The following CHODL variants were observed in gnomAD, a reference collection of about 807,000 sequenced individuals.
CHODL encodes the protein transmembrane protein MT75.
CHODL carries 29 observed loss-of-function variants against 34.5 expected under a neutral mutation model. The ratio of observed to expected loss-of-function variants is 0.84; its 90% CI spans 0.63 to 1.15. CHODL has a LOEUF of 1.15. Among genes scored for constraint, CHODL ranks in the 50% most tolerant of loss-of-function variants. The probability of loss-of-function intolerance (pLI) is 0.00; values close to 1 mark genes in which losing one functional copy is unlikely to be tolerated. For synonymous variants in CHODL, 125 were observed against 116.1 expected, an observed-to-expected ratio of 1.08 and a Z score of -0.49; for missense variants, 332 against 332.5, an observed-to-expected ratio of 1.00 and a Z score of 0.01.
intron 2 of CHODL, among the ~76,000 whole-genome samples, chr21:18,113,325 C>G (rs1450155412): frequency 7.4e-6 from 1 of 134,684 alleles, no homozygotes; most frequent in Non-Finnish European, 1.6e-5. Context: ...ATTAGTACAA[C>G]CACTATGGAG....
chr21:18,037,617 C>A (rs988642572), intron 2 of CHODL, among the ~76,000 whole-genome samples: 1 of 151,522 alleles, frequency 6.6e-6, no homozygotes, highest in Non-Finnish European at 1.5e-5. Context: ...AGAGCTGATA[C>A]CATCAAAGAA....
At chr21:18,212,846 A>G (rs986793714) in intron 2 of CHODL, among the ~76,000 whole-genome samples, 1 of 152,144 alleles carries the variant, frequency 6.6e-6, no homozygotes, top group Non-Finnish European at 1.5e-5. Context: ...TCCAAGGGAA[A>G]TAATCCCGCA....
chr21:17,933,547 G>GA lies in CHODL; in HGVS notation c.-145+16147_-145+16148insA, dbSNP rs532221368. 1.4e-4 allele frequency among the ~76,000 whole-genome samples: 21 copies of GA among 152,282 alleles called. No individual in the cohort carries two copies. The South Asian group carries it at 2.3e-3, about 17-fold the overall frequency. On this transcript the variant is annotated intron_variant, in intron 1 of 6. Coordinates refer to the CHODL transcript ENST00000400127. ...ACACAGCACATGTTTCAGAGAGCAC[G>GA]GGGTTGGGGTAAGGTCATAGATTAA... is the stretch of plus-strand genomic sequence containing the variant.
intron 1 of CHODL, among the ~76,000 whole-genome samples, chr21:17,950,172 C>T (rs1184619643): frequency 6.6e-6 from 1 of 151,864 alleles, no homozygotes; most frequent in Admixed American, 6.6e-5. Flanking sequence ...GTTTGAGATA[C>T]ATTTCTAAAA....
intron 2 of CHODL, among the ~76,000 whole-genome samples, chr21:18,140,586 C>G (rs533918561): frequency 1.3e-5 from 2 of 152,216 alleles, no homozygotes; most frequent in Admixed American, 1.3e-4. Context: ...GGCTCACTGT[C>G]TGTTCCAGAA....
intron 2 of CHODL, among the ~76,000 whole-genome samples, chr21:18,102,702 G>A (rs892683413): frequency 6.6e-6 from 1 of 152,100 alleles, no homozygotes; most frequent in African/African-American, 2.4e-5. Context: ...ATAAATCAAA[G>A]TTTTTAGGCA....
chr21:18,145,324 C>G (rs1378668039), intron 2 of CHODL, among the ~76,000 whole-genome samples: 1 of 147,312 alleles, frequency 6.8e-6, no homozygotes, highest in African/African-American at 2.5e-5. Context: ...GTAGTCCCAG[C>G]TACTCGGGAG....
At chr21:18,056,520 T>A (rs867263293) in intron 2 of CHODL, among the ~76,000 whole-genome samples, 24 of 151,474 alleles carry the variant, frequency 1.6e-4, no homozygotes, top group African/African-American at 5.6e-4. Context: ...TAAGGTGTTA[T>A]AATTCAAAAA....
intron 2 of CHODL, among the ~76,000 whole-genome samples, chr21:18,107,411 G>A (rs865995453): frequency 1.8e-4 from 27 of 152,180 alleles, no homozygotes; most frequent in African/African-American, 5.5e-4. Context: ...CACAGCAGGG[G>A]GGAAAGGCAA....
chr21:18,150,998 G>A (rs1175690171), intron 2 of CHODL, among the ~76,000 whole-genome samples: 1 of 149,390 alleles, frequency 6.7e-6, no homozygotes, highest in Non-Finnish European at 1.5e-5. Flanking sequence ...GCAGCAAATT[G>A]CTTGAACCTG....
intron 1 of CHODL, among the ~76,000 whole-genome samples, chr21:17,997,736 A>G (rs2063864734): frequency 6.6e-6 from 1 of 152,066 alleles, no homozygotes; most frequent in Admixed American, 6.6e-5. Flanking sequence ...ATCTCCTGAG[A>G]CTTTTTCACT....
At chr21:18,068,515 A>C (rs571844982) in intron 2 of CHODL, among the ~76,000 whole-genome samples, 1 of 152,094 alleles carries the variant, frequency 6.6e-6, no homozygotes, top group South Asian at 2.1e-4. Context: ...ACTTCTTTAA[A>C]TCTCTAAAAT....
chr21:18,048,649 C>T (rs549764447), intron 2 of CHODL, among the ~76,000 whole-genome samples: 2 of 152,002 alleles, frequency 1.3e-5, no homozygotes, highest in Non-Finnish European at 1.5e-5. Context: ...CTTTGAACTT[C>T]AAAATGAATG....
chr21:17,973,185 A>G (rs1236671255), intron 1 of CHODL, among the ~76,000 whole-genome samples: 2 of 152,270 alleles, frequency 1.3e-5, no homozygotes, highest in Middle Eastern at 3.4e-3. Flanking sequence ...AACCATAAAA[A>G]CCCTAGAAGA....
At chr21:18,139,143 C>T (rs1041545820) in intron 2 of CHODL, among the ~76,000 whole-genome samples, 6 of 151,840 alleles carry the variant, frequency 4.0e-5, no homozygotes, top group African/African-American at 1.5e-4. Context: ...CAATAAAAAC[C>T]GTGTCTATTT....
At chr21:18,147,930 C>T (rs1056504021) in intron 2 of CHODL, among the ~76,000 whole-genome samples, 1 of 152,160 alleles carries the variant, frequency 6.6e-6, no homozygotes, top group Admixed American at 6.5e-5. Flanking sequence ...TCACCAGTTG[C>T]CAGTGATTGG....
In CHODL at chr21:18,152,735, G is replaced by T. The variant is rs141952078; in HGVS notation, c.-44-103774G>T. Among the ~76,000 whole-genome samples the T allele has an allele frequency of 7.7e-3, 1,170 of 152,280 alleles. 4 individuals carry two copies. Among genetic ancestry groups the T allele is most frequent in the Non-Finnish European group, 0.011 (776 of 68,020 alleles). Reference sequence around the variant, plus strand: ...GAGAGCAGCTATCCCACCATGTTCAGATCCCTCAAGAAGAAGGATCGTTCA... The same window carrying T: ...GAGAGCAGCTATCCCACCATGTTCATATCCCTCAAGAAGAAGGATCGTTCA... On this transcript the variant is annotated intron_variant, in intron 2 of 6. Coordinates refer to the CHODL transcript ENST00000400127.
intron 2 of CHODL, among the ~76,000 whole-genome samples, chr21:18,038,444 T>C (rs2064336534): frequency 6.6e-6 from 1 of 151,770 alleles, no homozygotes; most frequent in Non-Finnish European, 1.5e-5. Flanking sequence ...TGACACGAAT[T>C]CAGGAATCCA....
chr21:18,211,047 G>T (rs2073767926), intron 2 of CHODL, among the ~76,000 whole-genome samples: 1 of 151,658 alleles, frequency 6.6e-6, no homozygotes, highest in Non-Finnish European at 1.5e-5. Flanking sequence ...CTGCCTCAAA[G>T]ACTCCCACCC....
Sources: allele counts gnomAD v4.1 joint callset (sites outside exome capture counted in the v4.1 genomes callset), GRCh38; gene constraint gnomAD v4.1.1; transcripts MANE v1.5; gene names NCBI Gene and HGNC (gene_info 2026-07-23, HGNC 2026-07-21).